The following PPP2R2B variants were observed in gnomAD, a reference collection of about 807,000 sequenced individuals.
The protein encoded by PPP2R2B is serine/threonine-protein phosphatase 2A 55 kDa regulatory subunit B beta isoform.
Under a neutral mutation model 46.0 loss-of-function variants are expected in PPP2R2B, and 5 were observed. The observed-to-expected ratio is 0.11, with a 90% CI of 0.06 to 0.23. The LOEUF (loss-of-function observed/expected upper bound fraction) is 0.23. Among genes scored for constraint, PPP2R2B ranks in the 10% least tolerant of loss-of-function variants. PPP2R2B has a pLI of 1.00. For missense variants in PPP2R2B, 367 were observed against 575.0 expected (o/e 0.64, Z 3.70); for synonymous variants, 215 against 206.7 (o/e 1.04, Z -0.34).
chr5:146,792,138 A>G (rs1489660070), intron 2 of PPP2R2B, among the ~76,000 whole-genome samples: 1 of 152,118 alleles, frequency 6.6e-6, no homozygotes, highest in East Asian at 1.9e-4. Context: ...AGACTATTGA[A>G]CCCGGGTAAC....
At chr5:146,684,500 T>C (rs1048996862) in intron 5 of PPP2R2B, among the ~76,000 whole-genome samples, 1 of 152,202 alleles carries the variant, frequency 6.6e-6, no homozygotes, top group Non-Finnish European at 1.5e-5. Flanking sequence ...CCTGATTAGA[T>C]ACCTGGCCCC....
chr5:146,962,411 C>A (rs932321004), intron 1 of PPP2R2B, among the ~76,000 whole-genome samples: 3 of 151,914 alleles, frequency 2.0e-5, no homozygotes, highest in African/African-American at 7.3e-5. Context: ...GTAATCCTAG[C>A]ACTTTGGGAG....
At chr5:146,699,661 G>T (rs1287087706) in intron 3 of PPP2R2B, among the ~76,000 whole-genome samples, 81 of 118,060 alleles carry the variant, frequency 6.9e-4, no homozygotes, top group African/African-American at 2.1e-3. Context: ...AACTTAATTG[G>T]TTTTTTTTTT....
At chr5:146,734,961 C>T (rs1422220845) in intron 2 of PPP2R2B, among the ~76,000 whole-genome samples, 1 of 152,066 alleles carries the variant, frequency 6.6e-6, no homozygotes, top group East Asian at 1.9e-4. Flanking sequence ...TTCCAGGGAT[C>T]AGAAGGAAGC....
At chr5:146,809,113 G>T (rs1757373905) in intron 2 of PPP2R2B, among the ~76,000 whole-genome samples, 1 of 152,082 alleles carries the variant, frequency 6.6e-6, no homozygotes, top group African/African-American at 2.4e-5. Context: ...CCAATGTCAG[G>T]GGCTTTGGGG....
At chr5:147,049,450 G>A (rs1173953135) in intron 1 of PPP2R2B, among the ~76,000 whole-genome samples, 1 of 152,076 alleles carries the variant, frequency 6.6e-6, no homozygotes, top group Non-Finnish European at 1.5e-5. Flanking sequence ...AGGTTGGCTA[G>A]GAAGTTGGAT....
At chr5:147,078,546 G>A (rs946490074) in intron 2 of PPP2R2B, among the ~76,000 whole-genome samples, 3 of 152,100 alleles carry the variant, frequency 2.0e-5, no homozygotes, top group African/African-American at 7.2e-5. Context: ...CCAGCACTTT[G>A]GGAGGCCAAG....
chr5:146,830,021 T>G (rs1156508697), intron 2 of PPP2R2B, among the ~76,000 whole-genome samples: 1 of 152,218 alleles, frequency 6.6e-6, no homozygotes, highest in Non-Finnish European at 1.5e-5. Context: ...TTGTGAGGAT[T>G]ATGTAAGATA....
chr5:146,680,583 A>T (rs1035319617), intron 5 of PPP2R2B, among the ~76,000 whole-genome samples: 1 of 94,380 alleles, frequency 1.1e-5, no homozygotes, highest in Non-Finnish European at 2.1e-5. Flanking sequence ...GCACACACTT[A>T]AAAAAAAAAA....
chr5:147,006,945 T>A (rs1257416068), intron 1 of PPP2R2B, among the ~76,000 whole-genome samples: 2 of 152,108 alleles, frequency 1.3e-5, no homozygotes, highest in African/African-American at 2.4e-5. Context: ...TCCTCTGGAG[T>A]TGGGCAACAT....
chr5:146,867,852 A>C (rs779101757), intron 2 of PPP2R2B, among the ~76,000 whole-genome samples: 17 of 152,330 alleles, frequency 1.1e-4, no homozygotes, highest in South Asian at 1.0e-3. Context: ...CTTGGCAATA[A>C]ATAATTTTTG....
At chr5:147,019,498 T>C (rs921383032) in intron 1 of PPP2R2B, among the ~76,000 whole-genome samples, 3 of 152,150 alleles carry the variant, frequency 2.0e-5, no homozygotes, top group Admixed American at 6.6e-5. Flanking sequence ...GATTTTAGAT[T>C]TCACAATGAC....
intron 1 of PPP2R2B, among the ~76,000 whole-genome samples, chr5:147,015,152 T>C (rs925985128): frequency 6.7e-6 from 1 of 148,946 alleles, no homozygotes; most frequent in African/African-American, 2.4e-5. Context: ...CATAAAACAG[T>C]GCCTGACACA....
chr5:146,958,058 A>ATTT (rs375305542), intron 1 of PPP2R2B, among the ~76,000 whole-genome samples: 1 of 147,978 alleles, frequency 6.8e-6, no homozygotes, highest in South Asian at 2.1e-4. Context: ...TCAAACATCT[A>ATTT]TTTTTTTTTT....
chr5:146,936,913 C>T (rs557222488), intron 1 of PPP2R2B, among the ~76,000 whole-genome samples: 1 of 148,842 alleles, frequency 6.7e-6, no homozygotes, highest in South Asian at 2.1e-4. Context: ...AGTCCCTGTA[C>T]TAAATGCTTC....
intron 1 of PPP2R2B, among the ~76,000 whole-genome samples, chr5:146,974,842 C>G (rs949300054): frequency 6.6e-6 from 1 of 151,912 alleles, no homozygotes; most frequent in African/African-American, 2.4e-5. Flanking sequence ...GTGCCCCCCA[C>G]CACACCTGGC....
chr5:146,767,429 T>A (rs1582056670), intron 2 of PPP2R2B, among the ~76,000 whole-genome samples: 1 of 152,106 alleles, frequency 6.6e-6, no homozygotes, highest in Non-Finnish European at 1.5e-5. Context: ...ATAGAGTGAA[T>A]CTTTCAGTAG....
intron 8 of PPP2R2B, among the ~76,000 whole-genome samples, chr5:146,597,832 T>C (rs1270858537): frequency 1.3e-5 from 2 of 152,214 alleles, no homozygotes; most frequent in African/African-American, 4.8e-5. Context: ...ACTTCATCTA[T>C]ATAAGAAAAC....
intron 1 of PPP2R2B, among the ~76,000 whole-genome samples, chr5:146,980,240 T>A (rs936540489): frequency 6.6e-6 from 1 of 152,168 alleles, no homozygotes; most frequent in African/African-American, 2.4e-5. Flanking sequence ...CCCAACTAGA[T>A]GTTGGGCATA....
Sources: allele counts gnomAD v4.1 joint callset (sites outside exome capture counted in the v4.1 genomes callset), GRCh38; gene constraint gnomAD v4.1.1; transcripts MANE v1.5; gene names NCBI Gene and HGNC (gene_info 2026-07-23, HGNC 2026-07-21).